Variants in SDK1 observed in about 807,000 individuals in gnomAD.
SDK1 encodes the protein protein sidekick-1.
In SDK1, 157 loss-of-function variants were observed where a neutral mutation model predicts 245.5. The observed-to-expected ratio is 0.64, with a 90% CI of 0.56 to 0.73. The LOEUF (loss-of-function observed/expected upper bound fraction) is 0.73, where lower values mean the gene tolerates loss of function less well. Ranked by LOEUF, SDK1 falls within the 30% of genes least tolerant of loss-of-function variation. SDK1 has a pLI of 0.00. For missense variants in SDK1, 3,583 were observed against 3,002.3 expected (o/e 1.19, Z -4.52); for synonymous variants, 1,647 against 1,278.5 (o/e 1.29, Z -6.15).
intron 7 of SDK1, among the ~76,000 whole-genome samples, chr7:3,957,871 C>T (rs1173596093): frequency 6.6e-6 from 1 of 152,198 alleles, no homozygotes; most frequent in Admixed American, 6.5e-5. Context: ...AATTTGCAGC[C>T]ATCTCCTCAG....
At chr7:3,577,597 C>T (rs1780335523) in intron 1 of SDK1, among the ~76,000 whole-genome samples, 2 of 152,186 alleles carry the variant, frequency 1.3e-5, no homozygotes, top group South Asian at 4.1e-4. Flanking sequence ...CCTCATGGAA[C>T]TCACTTTTGC....
At chr7:4,182,076 C>T (rs983989939) in intron 35 of SDK1, among the ~76,000 whole-genome samples, 4 of 152,190 alleles carry the variant, frequency 2.6e-5, no homozygotes, top group Non-Finnish European at 4.4e-5. Context: ...CCCGCCACCA[C>T]GCCCAGCTAA....
chr7:3,336,816 C>T (rs1238312765), intron 1 of SDK1, among the ~76,000 whole-genome samples: 23 of 152,156 alleles, frequency 1.5e-4, no homozygotes, highest in Admixed American at 9.8e-4. Context: ...GAACTCTCAC[C>T]CCATCTGTCT....
chr7:4,031,391 C>G (rs1345239951), intron 17 of SDK1, among the ~76,000 whole-genome samples: 1 of 152,158 alleles, frequency 6.6e-6, no homozygotes. Flanking sequence ...GAAAAGTTTA[C>G]TAGCCAATGG....
intron 5 of SDK1, among the ~76,000 whole-genome samples, chr7:3,850,778 T>C (rs551539926): frequency 1.3e-5 from 2 of 149,800 alleles, no homozygotes; most frequent in South Asian, 4.2e-4. Context: ...AAACACCGCA[T>C]GTTCTCACTC....
At chr7:3,649,205 A>G (rs555440262) in intron 4 of SDK1, among the ~76,000 whole-genome samples, 14 of 152,316 alleles carry the variant, frequency 9.2e-5, no homozygotes, top group Admixed American at 8.5e-4. Context: ...ATGGGTGGGA[A>G]GAGAGTCCTA....
Position 3,913,386 on chromosome 7 carries a change from C to T in SDK1, c.848-37537C>T, listed in dbSNP as rs573685915. Among the ~76,000 whole-genome samples, 464 of 151,860 alleles carry T rather than the reference C, an allele frequency of 3.1e-3. 6 individuals are homozygous for T. The highest frequency in any genetic ancestry group is 0.011 in the African/African-American group (445 of 41,372). On this transcript the variant is annotated intron_variant, in intron 5 of 44. Transcript: ENST00000404826. ...TCGGCTCACTGCAACCTCCGCCTCC[C>T]AGGTTCACGCCATTCTCCTGCCTCA...
At chr7:3,591,342 G>T (rs1780869006) in intron 1 of SDK1, among the ~76,000 whole-genome samples, 1 of 152,210 alleles carries the variant, frequency 6.6e-6, no homozygotes, top group Admixed American at 6.5e-5. Context: ...GCAGGGCACA[G>T]CATGACCTAG....
At chr7:3,886,000 C>T (rs1256598226) in intron 5 of SDK1, among the ~76,000 whole-genome samples, 3 of 152,112 alleles carry the variant, frequency 2.0e-5, no homozygotes, top group Admixed American at 6.5e-5. Context: ...AGGGGTTTAT[C>T]GAGGAGGTGA....
chr7:3,586,577 C>A (rs1037819917), intron 1 of SDK1, among the ~76,000 whole-genome samples: 2 of 149,752 alleles, frequency 1.3e-5, no homozygotes, highest in Non-Finnish European at 3.0e-5. Context: ...TTGTGGCGGG[C>A]GCCTGTAGTC....
intron 1 of SDK1, among the ~76,000 whole-genome samples, chr7:3,590,300 CTTTTTTTTT>C (rs200303832): frequency 3.1e-5 from 3 of 96,128 alleles, no homozygotes; most frequent in South Asian, 8.5e-4. Flanking sequence ...TTTCCTGTTC[CTTTTTTTTT>C]TTTTTTTTTT....
At chr7:3,612,314 T>G (rs1781618870) in intron 1 of SDK1, among the ~76,000 whole-genome samples, 1 of 152,256 alleles carries the variant, frequency 6.6e-6, no homozygotes, top group South Asian at 2.1e-4. Context: ...TTTGCATATT[T>G]AACTAGAGTG....
chr7:3,673,441 A>AGTT (rs1783783764), intron 4 of SDK1, among the ~76,000 whole-genome samples: 1 of 152,160 alleles, frequency 6.6e-6, no homozygotes, highest in African/African-American at 2.4e-5. Context: ...CTCTATTCCT[A>AGTT]GTTGTTTATC....
chr7:3,616,317 A>G (rs935787092), intron 1 of SDK1, among the ~76,000 whole-genome samples: 29 of 152,224 alleles, frequency 1.9e-4, no homozygotes, highest in Non-Finnish European at 1.0e-4. Context: ...GGTGGGCAGC[A>G]TGGACAGTCA....
intron 1 of SDK1, among the ~76,000 whole-genome samples, chr7:3,430,674 G>A (rs1329861019): frequency 6.6e-6 from 1 of 152,174 alleles, no homozygotes; most frequent in Non-Finnish European, 1.5e-5. Flanking sequence ...AAGGCAGAAT[G>A]ACATTGACTG....
chr7:3,414,142 T>C (rs1779293805), intron 1 of SDK1, among the ~76,000 whole-genome samples: 1 of 152,028 alleles, frequency 6.6e-6, no homozygotes, highest in Non-Finnish European at 1.5e-5. Flanking sequence ...TTTGTATGCC[T>C]TATGGGTGAT....
At position 3,419,870 on chromosome 7, in the gene SDK1, A is replaced by G. The variant is rs557325630; in HGVS notation, c.298+117986A>G. On this transcript the variant is annotated intron_variant, in intron 1 of 44. Coordinates refer to ENST00000404826, the MANE Select transcript of SDK1 (RefSeq NM_152744.4). The stretch of plus-strand genomic sequence containing the variant: ...GTATTAATCCCTGTCTAGAAGTTTC[A>G]CAATCAAAAGGGCAAAATGTGGAAA... Among the ~76,000 whole-genome samples the G allele has an allele frequency of 7.9e-5, 12 of 152,322 alleles. No individual in the cohort carries two copies. In the East Asian group the frequency reaches 1.9e-3, roughly 24 times the overall value.
chr7:3,353,390 A>G (rs1484774399), intron 1 of SDK1, among the ~76,000 whole-genome samples: 1 of 152,186 alleles, frequency 6.6e-6, no homozygotes, highest in East Asian at 1.9e-4. Flanking sequence ...AATATACTGA[A>G]CATAGGAACT....
chr7:3,332,723 T>G (rs528574866), intron 1 of SDK1, among the ~76,000 whole-genome samples: 1 of 152,314 alleles, frequency 6.6e-6, no homozygotes, highest in East Asian at 1.9e-4. Flanking sequence ...GTGATACTTT[T>G]AAAGGTTCTG....
Sources: allele counts gnomAD v4.1 joint callset (sites outside exome capture counted in the v4.1 genomes callset), GRCh38; gene constraint gnomAD v4.1.1; transcripts MANE v1.5; gene names NCBI Gene and HGNC (gene_info 2026-07-23, HGNC 2026-07-21).